CDH13: variants seen among roughly 807,000 people sequenced by gnomAD.
CDH13 encodes cadherin-13.
In CDH13, 24 loss-of-function variants were observed where a neutral mutation model predicts 63.8. That is an observed-to-expected ratio of 0.38 (90% CI 0.27 to 0.53). CDH13 has a LOEUF of 0.53. Among genes scored for constraint, CDH13 ranks in the 20% least tolerant of loss-of-function variants. CDH13 has a pLI of 0.85. For missense variants in CDH13, 1,049 were observed against 903.1 expected (o/e 1.16, Z -2.07); for synonymous variants, 503 against 355.3 (o/e 1.42, Z -4.67).
At chr16:83,177,998 T>C (rs1332869721) in intron 4 of CDH13, among the ~76,000 whole-genome samples, 2 of 152,148 alleles carry the variant, frequency 1.3e-5, no homozygotes, top group South Asian at 2.1e-4. Flanking sequence ...GGGTAGTAGA[T>C]GGGCAGGAAT....
rs117098214 is a variant in CDH13, at chr16:83,673,821, A to G, written c.1284+2849A>G. On this transcript the variant is annotated intron_variant, in intron 9 of 13. Coordinates refer to ENST00000567109, the MANE Select transcript of CDH13 (RefSeq NM_001257.5). Reference sequence around the variant, plus strand: ...CAGGGCACACCACTTGTCAAGGGGCATGGCCTTAGGGGAAGCAGTTTCCAT... The same window carrying G: ...CAGGGCACACCACTTGTCAAGGGGCGTGGCCTTAGGGGAAGCAGTTTCCAT... Among the ~76,000 whole-genome samples, 114 of 152,352 alleles carry G rather than the reference A, an allele frequency of 7.5e-4. 1 individual carries two copies. In the East Asian group the frequency reaches 8.3e-3, roughly 11 times the overall value.
At chr16:82,824,020 GT>G (rs1320058254) in intron 1 of CDH13, 1 of 152,106 alleles carries the variant, frequency 6.6e-6, no homozygotes, top group African/African-American at 2.4e-5. Flanking sequence ...AAATGATTGA[GT>G]TTATATTTGA....
chr16:83,643,894 C>T (rs917627776), intron 8 of CDH13, among the ~76,000 whole-genome samples: 2 of 152,238 alleles, frequency 1.3e-5, no homozygotes, highest in African/African-American at 2.4e-5. Context: ...CCACGCTTTA[C>T]GTACTACCCA....
intron 2 of CDH13, among the ~76,000 whole-genome samples, chr16:82,964,152 T>C (rs1260592828): frequency 3.3e-5 from 5 of 152,040 alleles, no homozygotes; most frequent in African/African-American, 1.2e-4. Context: ...ATCTCATAAA[T>C]CCATAATGGG....
At chr16:83,499,024 T>A (rs1034937769) in intron 7 of CDH13, among the ~76,000 whole-genome samples, 2 of 152,218 alleles carry the variant, frequency 1.3e-5, no homozygotes, top group African/African-American at 4.8e-5. Context: ...AAAGTACCCC[T>A]AGTGTTTTTT....
rs2037153299 is a variant in CDH13 at position 83,155,112 on chromosome 16, A to C, written c.483+29611A>C. 2.6e-5 allele frequency among the ~76,000 whole-genome samples: 4 copies of C among 152,250 alleles called. 1 individual carries two copies. The South Asian group carries it at 8.3e-4, about 32-fold the overall frequency. On this transcript the variant is annotated intron_variant, in intron 4 of 13. Transcript: ENST00000567109. The stretch of plus-strand genomic sequence containing the variant: ...AGTCAAATTTATTTCATTTACTATT[A>C]GAGAATGTTAATTTCAAGAAGCAAT...
intron 1 of CDH13, among the ~76,000 whole-genome samples, chr16:82,792,153 T>C (rs2036340638): frequency 6.6e-6 from 1 of 152,094 alleles, no homozygotes; most frequent in African/African-American, 2.4e-5. Context: ...CCATCCCCGG[T>C]TCCTTGACTT....
At chr16:83,232,441 C>G (rs1475461020) in intron 5 of CDH13, among the ~76,000 whole-genome samples, 1 of 151,622 alleles carries the variant, frequency 6.6e-6, no homozygotes, top group Non-Finnish European at 1.5e-5. Context: ...AGGAGAATCG[C>G]TTGAACCTGG....
chr16:83,085,289 G>C lies in CDH13; in HGVS notation c.367-40096G>C, dbSNP rs1456324047. Among the ~76,000 whole-genome samples, 5 of 152,148 alleles carry C rather than the reference G, an allele frequency of 3.3e-5. No homozygotes were observed. The East Asian group carries it at 7.7e-4, about 24-fold the overall frequency. ...TGTCTTGAGATTTATTCACTATCATGAGAATAGCACAGGAAAGACCAGCCC... is the reference window on the plus strand; with the variant it reads ...TGTCTTGAGATTTATTCACTATCATCAGAATAGCACAGGAAAGACCAGCCC... On this transcript the variant is annotated intron_variant, in intron 3 of 13. Coordinates refer to ENST00000567109, the MANE Select transcript of CDH13 (RefSeq NM_001257.5).
intron 2 of CDH13, among the ~76,000 whole-genome samples, chr16:82,927,703 G>A (rs1567668558): frequency 6.6e-6 from 1 of 152,154 alleles, no homozygotes; most frequent in African/African-American, 2.4e-5. Context: ...GTCATTGCCA[G>A]CTTATGACTT....
intron 10 of CDH13, among the ~76,000 whole-genome samples, chr16:83,694,811 A>G (rs1232569107): frequency 6.6e-6 from 1 of 152,204 alleles, no homozygotes; most frequent in Non-Finnish European, 1.5e-5. Flanking sequence ...GACTAGGGAG[A>G]GTCAAGCCAG....
chr16:83,750,960 GCTTAA>G (rs1473391057), intron 11 of CDH13, among the ~76,000 whole-genome samples: 4 of 132,840 alleles, frequency 3.0e-5, no homozygotes, highest in East Asian at 4.4e-4. Flanking sequence ...TGTAGCAAGT[GCTTAA>G]CTTAACTATT....
intron 1 of CDH13, among the ~76,000 whole-genome samples, chr16:82,773,977 G>C (rs1411291999): frequency 6.6e-6 from 1 of 152,034 alleles, no homozygotes; most frequent in African/African-American, 2.4e-5. Flanking sequence ...GAGAGACAGG[G>C]TTTCACTATG....
At chr16:83,634,014 T>C (rs1285747064) in intron 8 of CDH13, among the ~76,000 whole-genome samples, 1 of 152,100 alleles carries the variant, frequency 6.6e-6, no homozygotes, top group East Asian at 1.9e-4. Context: ...CGTAGTAACA[T>C]CGCCTATAAC....
chr16:83,663,680 G>A (rs11149597), intron 8 of CDH13, among the ~76,000 whole-genome samples: 1 of 151,972 alleles, frequency 6.6e-6, no homozygotes, highest in African/African-American at 2.4e-5. Flanking sequence ...CAGGTTGTCT[G>A]TGTTTGAGAG....
chr16:83,225,195 C>G (rs544177475), intron 5 of CDH13, among the ~76,000 whole-genome samples: 11 of 152,172 alleles, frequency 7.2e-5, no homozygotes, highest in Non-Finnish European at 1.6e-4. Context: ...AATAATCACA[C>G]TCTTGGGTAT....
intron 4 of CDH13, among the ~76,000 whole-genome samples, chr16:83,133,871 C>G (rs2036162550): frequency 6.6e-6 from 1 of 152,204 alleles, no homozygotes; most frequent in Non-Finnish European, 1.5e-5. Flanking sequence ...TTTTGAGAGA[C>G]AATGTCCTTC....
At chr16:83,577,837 C>T (rs1352800712) in intron 7 of CDH13, among the ~76,000 whole-genome samples, 1 of 152,122 alleles carries the variant, frequency 6.6e-6, no homozygotes, top group Non-Finnish European at 1.5e-5. Flanking sequence ...GGAAAGGACA[C>T]AAAGGATAAA....
chr16:83,108,600 A>T (rs13333884), intron 3 of CDH13, among the ~76,000 whole-genome samples: 16,497 of 152,100 alleles, frequency 0.11, 1,079 homozygotes, highest in African/African-American at 0.18. Flanking sequence ...TGGGCATTAT[A>T]TAGAAAGAGT....
Sources: gnomAD v4.1 joint callset for allele counts (sites outside exome capture counted in the v4.1 genomes callset) on GRCh38, gnomAD v4.1.1 for gene constraint, MANE v1.5 for transcripts, NCBI Gene and HGNC (gene_info 2026-07-23, HGNC 2026-07-21) for gene names.